The following CLSTN2 variants were observed in gnomAD, a reference collection of about 807,000 sequenced individuals.
The protein encoded by CLSTN2 is calsyntenin-2.
In CLSTN2, 48 loss-of-function variants were observed where a neutral mutation model predicts 101.2. The observed-to-expected ratio is 0.47, with a 90% CI of 0.38 to 0.60. CLSTN2 has a LOEUF of 0.60. Ranked by LOEUF, CLSTN2 falls within the 20% of genes least tolerant of loss-of-function variation. The pLI is 0.00. For synonymous variants in CLSTN2, 481 were observed against 463.6 expected, an observed-to-expected ratio of 1.04 and a Z score of -0.48; for missense variants, 1,160 against 1,238.2, an observed-to-expected ratio of 0.94 and a Z score of 0.95.
intron 2 of CLSTN2, among the ~76,000 whole-genome samples, chr3:140,244,094 A>G (rs1294218726): frequency 6.6e-6 from 1 of 152,208 alleles, no homozygotes; most frequent in Admixed American, 6.5e-5. Flanking sequence ...TGCTAAGGGA[A>G]GAAGCGCTTG....
At chr3:140,399,437 A>C (rs977873883) in intron 2 of CLSTN2, among the ~76,000 whole-genome samples, 1 of 152,194 alleles carries the variant, frequency 6.6e-6, no homozygotes, top group African/African-American at 2.4e-5. Context: ...TCTCTGTTTC[A>C]ACTTGTCATG....
Position 140,571,189 on chromosome 3 carries a change from T to C in CLSTN2, c.*4936T>C, listed in dbSNP as rs1276891877. On this transcript the variant is annotated 3_prime_UTR_variant, in exon 17 of 17. Coordinates refer to ENST00000458420, the MANE Select transcript of CLSTN2 (RefSeq NM_022131.3). The stretch of plus-strand genomic sequence containing the variant: ...AGGAGTGTTCATTATCTCAGACTGA[T>C]TTTCATTTCAGCCCTACTCTTGCCA... 1.3e-5 allele frequency: 2 copies of C among 152,140 alleles called. No homozygotes were observed. Among genetic ancestry groups the C allele is most frequent in the African/African-American group, 4.8e-5 (2 of 41,426 alleles). 9.4% of individuals were successfully genotyped at this position (152,140 alleles called of 1,614,324 possible). A position where few individuals can be genotyped will look rare whatever the true frequency, so the allele number is the denominator to read the frequency against.
chr3:139,975,979 G>A (rs1935810114), intron 1 of CLSTN2, among the ~76,000 whole-genome samples: 1 of 152,154 alleles, frequency 6.6e-6, no homozygotes, highest in South Asian at 2.1e-4. Flanking sequence ...TCAGGTTTGT[G>A]GGTAGCATTA....
intron 1 of CLSTN2, among the ~76,000 whole-genome samples, chr3:140,053,136 C>T (rs1172281987): frequency 6.6e-6 from 1 of 152,142 alleles, no homozygotes; most frequent in Non-Finnish European, 1.5e-5. Flanking sequence ...ACACAAGCAT[C>T]CTCCTGCCTG....
At chr3:140,290,482 G>A (rs1447939480) in intron 2 of CLSTN2, among the ~76,000 whole-genome samples, 6 of 152,168 alleles carry the variant, frequency 3.9e-5, no homozygotes, top group Non-Finnish European at 7.4e-5. Context: ...TTTGAGGTGG[G>A]ATTGAGGGAC....
In CLSTN2 at chr3:139,992,652, C is replaced by T. The variant is rs142281828; in HGVS notation, c.109+57169C>T. Reference sequence around the variant, plus strand: ...CCTGTGCCCCTTATCTGCTGCAATACCATTTACAAAGTGCATCCTGGTTAC... The same window carrying T: ...CCTGTGCCCCTTATCTGCTGCAATATCATTTACAAAGTGCATCCTGGTTAC... On this transcript the variant is annotated intron_variant, in intron 1 of 16. Transcript: ENST00000458420. 3.8e-3 allele frequency among the ~76,000 whole-genome samples: 577 copies of T among 152,308 alleles called. 3 individuals carry two copies. Among genetic ancestry groups the T allele is most frequent in the African/African-American group, 0.013 (558 of 41,552 alleles).
chr3:140,450,961 T>C (rs901608528), intron 6 of CLSTN2, among the ~76,000 whole-genome samples: 5 of 150,952 alleles, frequency 3.3e-5, no homozygotes, highest in Admixed American at 1.3e-4. Flanking sequence ...ATACAGCTCT[T>C]GCAAAAATGG....
chr3:140,354,700 T>G (rs924923839), intron 2 of CLSTN2, among the ~76,000 whole-genome samples: 2 of 152,192 alleles, frequency 1.3e-5, no homozygotes. Flanking sequence ...CTGGCTGAAT[T>G]AGGCTTGGTC....
chr3:140,408,803 G>T (rs188610097), intron 4 of CLSTN2, among the ~76,000 whole-genome samples: 12 of 152,316 alleles, frequency 7.9e-5, no homozygotes, highest in African/African-American at 2.9e-4. Context: ...TCACAACCAT[G>T]TGTGTACCTG....
intron 1 of CLSTN2, among the ~76,000 whole-genome samples, chr3:140,103,178 C>G (rs1386022611): frequency 6.6e-6 from 1 of 152,156 alleles, no homozygotes; most frequent in Non-Finnish European, 1.5e-5. Context: ...ATAGCTTAGT[C>G]TGTAAGGTTG....
chr3:140,086,511 C>G lies in CLSTN2; in HGVS notation c.110-89440C>G, dbSNP rs1412580718. Among the ~76,000 whole-genome samples, 3 of 152,092 alleles carry G rather than the reference C, an allele frequency of 2.0e-5. No individual in the cohort carries two copies. The East Asian group carries it at 5.8e-4, about 29-fold the overall frequency. ...TATGTGCAGGGTGCTTGGAATGGTGCCTGGCACATAAGTGCAACGTAAGTA... is the reference window on the plus strand; with the variant it reads ...TATGTGCAGGGTGCTTGGAATGGTGGCTGGCACATAAGTGCAACGTAAGTA... On this transcript the variant is annotated intron_variant, in intron 1 of 16. Coordinates refer to ENST00000458420, the MANE Select transcript of CLSTN2 (RefSeq NM_022131.3).
chr3:139,947,691 A>G (rs977417344), intron 1 of CLSTN2, among the ~76,000 whole-genome samples: 3 of 152,224 alleles, frequency 2.0e-5, no homozygotes, highest in Non-Finnish European at 4.4e-5. Flanking sequence ...CTCCCAAAGG[A>G]AAACCAATTA....
chr3:140,375,054 T>TCC (rs1379603638), intron 2 of CLSTN2, among the ~76,000 whole-genome samples: 1 of 152,240 alleles, frequency 6.6e-6, no homozygotes, highest in Non-Finnish European at 1.5e-5. Context: ...GCCTGGACTC[T>TCC]ATAATGATAT....
chr3:140,475,436 A>C (rs1368196001), intron 8 of CLSTN2, among the ~76,000 whole-genome samples: 1 of 152,210 alleles, frequency 6.6e-6, no homozygotes, highest in African/African-American at 2.4e-5. Context: ...ATTTCCTTGA[A>C]GAGCTGATTT....
intron 2 of CLSTN2, among the ~76,000 whole-genome samples, chr3:140,309,950 C>G (rs1348317934): frequency 6.6e-6 from 1 of 152,122 alleles, no homozygotes; most frequent in Non-Finnish European, 1.5e-5. Flanking sequence ...CATTTCTCAC[C>G]GTGGCGGCTT....
At chr3:139,982,612 A>G (rs1935950253) in intron 1 of CLSTN2, among the ~76,000 whole-genome samples, 2 of 152,216 alleles carry the variant, frequency 1.3e-5, no homozygotes, top group Non-Finnish European at 2.9e-5. Flanking sequence ...TAGTGTTCAG[A>G]ACCAATCTGT....
intron 2 of CLSTN2, among the ~76,000 whole-genome samples, chr3:140,251,693 GCCAAGCCTA>G (rs1216704467): frequency 6.9e-6 from 1 of 145,796 alleles, no homozygotes; most frequent in African/African-American, 2.6e-5. Flanking sequence ...CTTCCTTTGA[GCCAAGCCTA>G]TGCTTCATGC....
intron 9 of CLSTN2, among the ~76,000 whole-genome samples, chr3:140,543,629 C>T (rs914547675): frequency 2.0e-5 from 3 of 152,210 alleles, no homozygotes; most frequent in African/African-American, 4.8e-5. Context: ...GGCTCTCCTG[C>T]CACTGCCCTT....
At chr3:140,385,304 G>A (rs2088037553) in intron 2 of CLSTN2, among the ~76,000 whole-genome samples, 1 of 151,084 alleles carries the variant, frequency 6.6e-6, no homozygotes, top group African/African-American at 2.4e-5. Flanking sequence ...TCTCATGATG[G>A]CTCAAAAGAT....
Sources: allele counts gnomAD v4.1 joint callset (sites outside exome capture counted in the v4.1 genomes callset), GRCh38; gene constraint gnomAD v4.1.1; transcripts MANE v1.5; gene names NCBI Gene and HGNC (gene_info 2026-07-23, HGNC 2026-07-21).